PIK3CB: variants seen among roughly 807,000 people sequenced by gnomAD.
The protein encoded by PIK3CB is phosphatidylinositol-4,5-bisphosphate 3-kinase catalytic subunit beta.
Under a neutral mutation model 136.8 loss-of-function variants are expected in PIK3CB, and 39 were observed. The observed-to-expected ratio is 0.29, with a 90% CI of 0.22 to 0.37. The LOEUF (loss-of-function observed/expected upper bound fraction) is 0.37. PIK3CB is among the 10% of genes least tolerant of loss of function. The pLI is 1.00. For synonymous variants in PIK3CB, 428 were observed against 436.6 expected, an observed-to-expected ratio of 0.98 and a Z score of 0.25; for missense variants, 868 against 1,275.4, an observed-to-expected ratio of 0.68 and a Z score of 4.87.
At chr3:138,680,273 A>G (rs7615854) in intron 19 of PIK3CB, among the ~76,000 whole-genome samples, 93,322 of 151,334 alleles carry the variant, frequency 0.62, 29,489 homozygotes, top group East Asian at 0.98. Flanking sequence ...CAGGAGAATC[A>G]CTTGAACTCA....
rs11344311 is a variant in PIK3CB, at chr3:138,737,394, C to CAAAA, written c.801+309_801+312dup. Among the ~76,000 whole-genome samples the CAAAA allele has an allele frequency of 1.0e-3, 41 of 39,066 alleles. 4 individuals are homozygous for CAAAA. Among genetic ancestry groups the CAAAA allele is most frequent in the Non-Finnish European group, 1.6e-3 (32 of 20,546 alleles). The allele number at this position is 39,066 out of a possible 152,430, so 25.6% of individuals were successfully genotyped here. A position where few individuals can be genotyped will look rare whatever the true frequency, so the allele number is the denominator to read the frequency against. ...TAGGCGACAGAGCAACACTCTGTCT[C>CAAAA]AAAAAAAAAAAAAAAAAAAAAAAAA... On this transcript the variant is annotated intron_variant, in intron 6 of 23. Transcript: ENST00000674063.
At chr3:138,783,659 G>GA (rs2045944714) in intron 2 of PIK3CB, among the ~76,000 whole-genome samples, 1 of 152,086 alleles carries the variant, frequency 6.6e-6, no homozygotes, top group Admixed American at 6.6e-5. Context: ...TATATGCAAA[G>GA]ACCTGAGAAA....
chr3:138,757,449 C>G (rs1421061481), intron 3 of PIK3CB, among the ~76,000 whole-genome samples: 22 of 148,444 alleles, frequency 1.5e-4, no homozygotes, highest in African/African-American at 5.2e-4. Context: ...TGAGATACCA[C>G]TTCACATCCA....
At chr3:138,663,680 C>G (rs1159591329) in intron 21 of PIK3CB, among the ~76,000 whole-genome samples, 1 of 152,058 alleles carries the variant, frequency 6.6e-6, no homozygotes, top group East Asian at 1.9e-4. Flanking sequence ...CCACACACAG[C>G]CTTTAGTAAT....
At chr3:138,759,089 C>A (rs574113553) in intron 3 of PIK3CB, 84 bp downstream of exon 3, 131 of 843,672 alleles carry the variant, frequency 1.6e-4, no homozygotes, top group Non-Finnish European at 2.2e-4. Context: ...ATATAATTTA[C>A]ATTAACATTT....
chr3:138,755,695 T>C (rs972996907), intron 4 of PIK3CB, 59 bp downstream of exon 4: 4 of 764,156 alleles, frequency 5.2e-6, no homozygotes, highest in South Asian at 1.8e-5. Context: ...ATACTTACTA[T>C]ATGTTTATAT....
At chr3:138,673,695 GTACACACACACA>G (rs985688762) in intron 19 of PIK3CB, among the ~76,000 whole-genome samples, 5 of 151,640 alleles carry the variant, frequency 3.3e-5, no homozygotes, top group South Asian at 2.1e-4. Context: ...ACACACACAC[GTACACACACACA>G]TACACACACA....
chr3:138,712,859 G>A (rs758982245), intron 9 of PIK3CB, among the ~76,000 whole-genome samples: 5 of 152,054 alleles, frequency 3.3e-5, no homozygotes, highest in African/African-American at 4.8e-5. Flanking sequence ...GAGCCATCAC[G>A]CCCAGCCAAA....
intron 12 of PIK3CB, among the ~76,000 whole-genome samples, chr3:138,703,423 T>C (rs1433974267): frequency 2.0e-5 from 3 of 152,148 alleles, no homozygotes; most frequent in African/African-American, 7.2e-5. Context: ...ATGCTACAGG[T>C]AGAATGACTT....
intron 1 of PIK3CB, among the ~76,000 whole-genome samples, chr3:138,819,791 A>G (rs1933479388): frequency 6.6e-6 from 1 of 152,200 alleles, no homozygotes; most frequent in South Asian, 2.1e-4. Flanking sequence ...CCTGGAAAAC[A>G]TGGTGAAACC....
chr3:138,780,491 G>A (rs1357964925), intron 2 of PIK3CB, among the ~76,000 whole-genome samples: 3 of 151,594 alleles, frequency 2.0e-5, no homozygotes, highest in South Asian at 2.1e-4. Flanking sequence ...CAATGGTTTC[G>A]ATCTCTTGAC....
chr3:138,788,594 T>C (rs1306460988), intron 2 of PIK3CB, among the ~76,000 whole-genome samples: 2 of 140,774 alleles, frequency 1.4e-5, no homozygotes, highest in African/African-American at 2.7e-5. Flanking sequence ...GAGACTGAGG[T>C]TGCAGTGAGC....
intron 2 of PIK3CB, among the ~76,000 whole-genome samples, chr3:138,793,228 T>A (rs1425593437): frequency 6.6e-6 from 1 of 152,218 alleles, no homozygotes; most frequent in Admixed American, 6.5e-5. Flanking sequence ...CAGTTGATAG[T>A]GACTGGTTAT....
intron 8 of PIK3CB, among the ~76,000 whole-genome samples, chr3:138,728,542 C>T (rs1334474410): frequency 1.3e-5 from 2 of 151,992 alleles, no homozygotes; most frequent in African/African-American, 4.8e-5. Context: ...CTTTGGGAGG[C>T]CGAGGCGGGT....
intron 2 of PIK3CB, among the ~76,000 whole-genome samples, chr3:138,761,420 T>TA (rs2045660386): frequency 6.6e-6 from 1 of 152,254 alleles, no homozygotes; most frequent in African/African-American, 2.4e-5. Flanking sequence ...TTAAAGAATT[T>TA]AAAAAACACT....
chr3:138,779,960 CTTT>C (rs537563652), intron 2 of PIK3CB, among the ~76,000 whole-genome samples: 1 of 149,544 alleles, frequency 6.7e-6, no homozygotes, highest in African/African-American at 2.5e-5. Context: ...GCACTGAGAA[CTTT>C]TTTTTTTCTT....
At chr3:138,811,437 T>C (rs1054134256) in intron 1 of PIK3CB, among the ~76,000 whole-genome samples, 1 of 151,490 alleles carries the variant, frequency 6.6e-6, no homozygotes, top group Admixed American at 6.6e-5. Flanking sequence ...ATTACCTTTT[T>C]TTTTTTTTGG....
chr3:138,803,036 A>G (rs2046194403), intron 1 of PIK3CB, among the ~76,000 whole-genome samples: 1 of 152,232 alleles, frequency 6.6e-6, no homozygotes, highest in Non-Finnish European at 1.5e-5. Context: ...AGAATAAAAG[A>G]TATAGTCAAA....
chr3:138,797,892 G>A lies in PIK3CB; in HGVS notation c.-121-1325C>T, dbSNP rs114524945. Among the ~76,000 whole-genome samples, 871 of 152,104 alleles carry A rather than the reference G, an allele frequency of 5.7e-3. 10 individuals are homozygous for A. The highest frequency in any genetic ancestry group is 0.02 in the African/African-American group (830 of 41,484). ...CACTTGAATCCAGGAGGCTCAGGCT[G>A]CAGTGAACCAAGATCACACCACTGC... On this transcript the variant is annotated intron_variant, in intron 1 of 23. Transcript: ENST00000674063.
Sources: gnomAD v4.1 joint callset for allele counts (sites outside exome capture counted in the v4.1 genomes callset) on GRCh38, gnomAD v4.1.1 for gene constraint, MANE v1.5 for transcripts, NCBI Gene and HGNC (gene_info 2026-07-23, HGNC 2026-07-21) for gene names.